Variants in CHSY3 observed in about 807,000 individuals in gnomAD.
CHSY3 encodes the protein N-acetylgalactosaminyl-proteoglycan 3-beta-glucuronosyltransferase 3.
A neutral mutation model predicts 67.2 loss-of-function variants in CHSY3; 35 were observed. The observed-to-expected ratio is 0.52, with a 90% CI of 0.40 to 0.69. The LOEUF (loss-of-function observed/expected upper bound fraction) is 0.69. CHSY3 is among the 30% of genes least tolerant of loss of function. The pLI, the probability that CHSY3 is intolerant of heterozygous loss-of-function variation, is 0.00. For missense variants in CHSY3, 1,069 were observed against 1,138.5 expected (o/e 0.94, Z 0.88); for synonymous variants, 474 against 434.7 (o/e 1.09, Z -1.12).
At chr5:129,924,643 T>TA (rs34873764) in intron 2 of CHSY3, among the ~76,000 whole-genome samples, 2,053 of 136,832 alleles carry the variant, frequency 0.015, 38 homozygotes, top group African/African-American at 0.05. Context: ...AGACTCCCTC[T>TA]AAAAAAAAAA....
At chr5:129,995,744 A>G (rs1406246093) in intron 2 of CHSY3, among the ~76,000 whole-genome samples, 1 of 151,944 alleles carries the variant, frequency 6.6e-6, no homozygotes, top group Non-Finnish European at 1.5e-5. Context: ...TTTAAGAATG[A>G]TCTGGTTCCA....
At chr5:130,037,987 T>A (rs1388303890) in intron 2 of CHSY3, among the ~76,000 whole-genome samples, 1 of 152,076 alleles carries the variant, frequency 6.6e-6, no homozygotes, top group African/African-American at 2.4e-5. Context: ...AAAAATTGTG[T>A]GAGAGGATGG....
At chr5:130,132,770 C>T (rs77910713) in intron 2 of CHSY3, among the ~76,000 whole-genome samples, 4,208 of 152,168 alleles carry the variant, frequency 0.028, 90 homozygotes, top group Non-Finnish European at 0.044. Flanking sequence ...TTGGGGGACT[C>T]CTAGTCAGTA....
chr5:130,087,458 C>T (rs1180420747), intron 2 of CHSY3, among the ~76,000 whole-genome samples: 16 of 150,518 alleles, frequency 1.1e-4, no homozygotes, highest in Admixed American at 2.7e-4. Flanking sequence ...GATTGTATAT[C>T]TAGAAAACCC....
intron 2 of CHSY3, among the ~76,000 whole-genome samples, chr5:130,161,888 A>G (rs1167266081): frequency 1.3e-5 from 2 of 151,882 alleles, no homozygotes; most frequent in Non-Finnish European, 1.5e-5. Context: ...AAAATATAAA[A>G]AATTAGTCAG....
intron 2 of CHSY3, among the ~76,000 whole-genome samples, chr5:130,065,851 C>A (rs1183339766): frequency 6.6e-6 from 1 of 152,078 alleles, no homozygotes; most frequent in Non-Finnish European, 1.5e-5. Context: ...GTCTGGTTCA[C>A]ACAGTCTCCT....
At chr5:130,008,405 A>C (rs1176155411) in intron 2 of CHSY3, among the ~76,000 whole-genome samples, 1 of 152,246 alleles carries the variant, frequency 6.6e-6, no homozygotes, top group South Asian at 2.1e-4. Context: ...AAGCCAGTTG[A>C]TGGAACCCAA....
intron 2 of CHSY3, among the ~76,000 whole-genome samples, chr5:130,177,979 T>A (rs2149735763): frequency 6.6e-6 from 1 of 151,814 alleles, no homozygotes; most frequent in East Asian, 1.9e-4. Context: ...TAGATTTTAT[T>A]ACCTTTATTT....
intron 2 of CHSY3, among the ~76,000 whole-genome samples, chr5:130,007,060 C>T (rs1561493898): frequency 6.6e-6 from 1 of 152,098 alleles, no homozygotes; most frequent in Non-Finnish European, 1.5e-5. Flanking sequence ...TTGGACCACA[C>T]ATTGAGTAAT....
At chr5:130,156,385 A>T (rs181940849) in intron 2 of CHSY3, among the ~76,000 whole-genome samples, 5 of 152,332 alleles carry the variant, frequency 3.3e-5, no homozygotes, top group Non-Finnish European at 2.9e-5. Context: ...TGTTGAATAC[A>T]CACATTTAGT....
chr5:130,036,600 C>G (rs950893977), intron 2 of CHSY3, among the ~76,000 whole-genome samples: 1 of 152,118 alleles, frequency 6.6e-6, no homozygotes, highest in African/African-American at 2.4e-5. Flanking sequence ...GACCTCAGAC[C>G]TTGGAGCCCT....
intron 2 of CHSY3, among the ~76,000 whole-genome samples, chr5:129,984,099 G>A (rs772204152): frequency 7.2e-5 from 11 of 151,984 alleles, no homozygotes; most frequent in Admixed American, 1.3e-4. Flanking sequence ...TGTGTGTTGC[G>A]GGAGTTTGAT....
chr5:129,955,999 T>G (rs1762160444), intron 2 of CHSY3, among the ~76,000 whole-genome samples: 2 of 152,186 alleles, frequency 1.3e-5, no homozygotes, highest in African/African-American at 4.8e-5. Context: ...AACCTACACA[T>G]GTATGTGTCT....
intron 2 of CHSY3, among the ~76,000 whole-genome samples, chr5:129,965,625 A>G (rs1762448788): frequency 6.6e-6 from 1 of 151,992 alleles, no homozygotes; most frequent in Middle Eastern, 3.4e-3. Flanking sequence ...TTGAAACGAG[A>G]TAATTGACAG....
At chr5:130,003,615 G>A (rs1763795114) in intron 2 of CHSY3, among the ~76,000 whole-genome samples, 1 of 152,058 alleles carries the variant, frequency 6.6e-6, no homozygotes, top group Non-Finnish European at 1.5e-5. Flanking sequence ...GGGGTTACCA[G>A]ATAGGACAAA....
At chr5:130,021,143 T>C (rs1273555512) in intron 2 of CHSY3, among the ~76,000 whole-genome samples, 1 of 152,234 alleles carries the variant, frequency 6.6e-6, no homozygotes, top group African/African-American at 2.4e-5. Context: ...TATCATATAC[T>C]TAAGATGATG....
intron 2 of CHSY3, among the ~76,000 whole-genome samples, chr5:130,039,506 A>AAACAAAAC (rs1430331496): frequency 1.7e-5 from 2 of 114,618 alleles, no homozygotes; most frequent in Non-Finnish European, 4.0e-5. Context: ...CTAAAAACAA[A>AAACAAAAC]AACAAAACAA....
intron 1 of CHSY3, among the ~76,000 whole-genome samples, chr5:129,906,218 A>G (rs1009216632): frequency 3.3e-5 from 5 of 151,940 alleles, no homozygotes; most frequent in African/African-American, 1.2e-4. Flanking sequence ...AACTCTCCAC[A>G]TACTGGGAGT....
At chr5:130,157,088 CA>C (rs1769393476) in intron 2 of CHSY3, among the ~76,000 whole-genome samples, 1 of 152,198 alleles carries the variant, frequency 6.6e-6, no homozygotes. Context: ...GGTTAAGTAT[CA>C]GTCTGGACCA....
Sources: gnomAD v4.1 joint callset for allele counts (sites outside exome capture counted in the v4.1 genomes callset) on GRCh38, gnomAD v4.1.1 for gene constraint, MANE v1.5 for transcripts, NCBI Gene and HGNC (gene_info 2026-07-23, HGNC 2026-07-21) for gene names.